The following CHCHD6 variants were observed in gnomAD, a reference collection of about 807,000 sequenced individuals.
CHCHD6 encodes MICOS complex subunit MIC25.
CHCHD6 carries 28 observed loss-of-function variants against 32.3 expected under a neutral mutation model. The observed-to-expected ratio is 0.87, with a 90% CI of 0.64 to 1.19. The LOEUF is 1.19. Ranked by LOEUF, CHCHD6 falls within the 50% of genes most tolerant of loss-of-function variation. The probability of loss-of-function intolerance (pLI) is 0.00; values close to 1 mark genes in which losing one functional copy is unlikely to be tolerated. For synonymous variants in CHCHD6, 122 were observed against 117.5 expected (o/e 1.04, Z -0.25); for missense variants, 333 against 307.0 (o/e 1.08, Z -0.63).
At chr3:126,919,317 C>CTTTTT (rs756862821) in intron 6 of CHCHD6, among the ~76,000 whole-genome samples, 9 of 68,112 alleles carry the variant, frequency 1.3e-4, no homozygotes, top group Non-Finnish European at 2.0e-4. Context: ...TTTCTTTTTT[C>CTTTTT]TTTTTTTTTT....
chr3:126,885,751 T>G (rs2077670883), intron 5 of CHCHD6, among the ~76,000 whole-genome samples: 1 of 152,242 alleles, frequency 6.6e-6, no homozygotes, highest in Non-Finnish European at 1.5e-5. Flanking sequence ...GTGACTGTCC[T>G]GTTATTATTT....
chr3:126,868,170 C>A (rs536283893), intron 5 of CHCHD6, among the ~76,000 whole-genome samples: 1 of 152,356 alleles, frequency 6.6e-6, no homozygotes, highest in African/African-American at 2.4e-5. Flanking sequence ...ACTCAGTTTC[C>A]CCCTACAGAG....
chr3:126,918,111 C>A (rs1011207453), intron 6 of CHCHD6, among the ~76,000 whole-genome samples: 1 of 152,194 alleles, frequency 6.6e-6, no homozygotes, highest in African/African-American at 2.4e-5. Flanking sequence ...TTTTCCTTTT[C>A]CCAAATACAG....
At chr3:126,929,288 A>G (rs1312193054) in intron 6 of CHCHD6, among the ~76,000 whole-genome samples, 1 of 152,174 alleles carries the variant, frequency 6.6e-6, no homozygotes, top group Non-Finnish European at 1.5e-5. Context: ...CAGTGCAGGC[A>G]TCGTCTCTCT....
intron 4 of CHCHD6, among the ~76,000 whole-genome samples, chr3:126,812,534 C>T (rs988315067): frequency 6.6e-6 from 1 of 151,916 alleles, no homozygotes; most frequent in East Asian, 1.9e-4. Context: ...AGCAATTCTC[C>T]TGCCTCAGTT....
intron 4 of CHCHD6, among the ~76,000 whole-genome samples, chr3:126,850,945 T>G (rs920753100): frequency 2.6e-5 from 4 of 152,166 alleles, no homozygotes; most frequent in African/African-American, 9.6e-5. Flanking sequence ...GTGTTGGCAT[T>G]CCAGAGGCAT....
At chr3:126,807,987 T>G (rs1939488585) in intron 4 of CHCHD6, among the ~76,000 whole-genome samples, 1 of 152,246 alleles carries the variant, frequency 6.6e-6, no homozygotes. Context: ...CGTGGCCAGG[T>G]CAGGCCCTGT....
intron 5 of CHCHD6, among the ~76,000 whole-genome samples, chr3:126,895,677 CAG>C (rs1172867007): frequency 2.0e-5 from 3 of 152,230 alleles, no homozygotes; most frequent in Admixed American, 6.5e-5. Flanking sequence ...GGCATGGAAA[CAG>C]AGCTGGTTGC....
At chr3:126,716,389 T>C (rs1935017583) in intron 1 of CHCHD6, among the ~76,000 whole-genome samples, 1 of 152,144 alleles carries the variant, frequency 6.6e-6, no homozygotes. Flanking sequence ...ATCTCCCTTC[T>C]AGCTGGAACT....
intron 5 of CHCHD6, among the ~76,000 whole-genome samples, chr3:126,857,485 G>C (rs1408360165): frequency 6.6e-6 from 1 of 152,162 alleles, no homozygotes; most frequent in South Asian, 2.1e-4. Context: ...CCCTGCTGCC[G>C]ATCGAACTTT....
At chr3:126,731,595 C>G (rs895624277) in intron 3 of CHCHD6, among the ~76,000 whole-genome samples, 3 of 152,194 alleles carry the variant, frequency 2.0e-5, no homozygotes, top group African/African-American at 7.2e-5. Context: ...TGATTGACCT[C>G]TTCAGCATCC....
chr3:126,881,253 C>T, intron 5 of CHCHD6, among the ~76,000 whole-genome samples: 1 of 152,216 alleles, frequency 6.6e-6, no homozygotes, highest in East Asian at 1.9e-4. Flanking sequence ...AGCCTGTTTC[C>T]TTCCCTGTGG....
intron 4 of CHCHD6, among the ~76,000 whole-genome samples, chr3:126,757,300 T>C (rs1403437234): frequency 2.0e-5 from 3 of 152,160 alleles, no homozygotes; most frequent in Non-Finnish European, 4.4e-5. Flanking sequence ...TCTCATGCAT[T>C]TCAGGTAAGG....
chr3:126,758,120 G>A (rs1937029718), intron 4 of CHCHD6, among the ~76,000 whole-genome samples: 2 of 152,202 alleles, frequency 1.3e-5, no homozygotes, highest in South Asian at 4.1e-4. Context: ...ACAGGCCACT[G>A]CCAGCTGCTC....
chr3:126,727,058 C>T lies in CHCHD6; in HGVS notation c.88-20C>T, dbSNP rs1327667984. ...TTCTGTGACATAACTTTTTCTTTTC[C>T]CTCTTTTCTGCTTCCTTAGCTGTCT... On this transcript the variant is annotated intron_variant, in intron 1 of 7. Transcript: ENST00000290913. 1.3e-6 allele frequency: 2 copies of T among 1,578,054 alleles called. No homozygotes were observed. The highest frequency in any genetic ancestry group is 1.7e-5 in the Admixed American group (1 of 59,244).
chr3:126,905,062 G>C (rs924550929), intron 5 of CHCHD6, among the ~76,000 whole-genome samples: 1 of 152,146 alleles, frequency 6.6e-6, no homozygotes, highest in Non-Finnish European at 1.5e-5. Flanking sequence ...GAGGTGATGA[G>C]GGCAGAGCAG....
chr3:126,865,102 C>T, intron 5 of CHCHD6, among the ~76,000 whole-genome samples: 1 of 127,658 alleles, frequency 7.8e-6, no homozygotes, highest in South Asian at 2.2e-4. Flanking sequence ...TCCTCCTCCA[C>T]CACCACCTCC....
chr3:126,788,642 G>A (rs922871441), intron 4 of CHCHD6, among the ~76,000 whole-genome samples: 6 of 151,828 alleles, frequency 4.0e-5, no homozygotes, highest in African/African-American at 1.2e-4. Flanking sequence ...TCTGATGGTA[G>A]TTTGTATTTC....
At chr3:126,819,468 C>G (rs145937243) in intron 4 of CHCHD6, among the ~76,000 whole-genome samples, 220 of 152,318 alleles carry the variant, frequency 1.4e-3, no homozygotes, top group African/African-American at 5.0e-3. Flanking sequence ...TTAGGTCCTT[C>G]CTATGAGGAG....
Sources: gnomAD v4.1 joint callset for allele counts (sites outside exome capture counted in the v4.1 genomes callset) on GRCh38, gnomAD v4.1.1 for gene constraint, MANE v1.5 for transcripts, NCBI Gene and HGNC (gene_info 2026-07-23, HGNC 2026-07-21) for gene names.